NRG1: variants seen among roughly 807,000 people sequenced by gnomAD.
NRG1 encodes the protein pro-neuregulin-1, membrane-bound isoform.
Under a neutral mutation model 63.8 loss-of-function variants are expected in NRG1, and 18 were observed. That is an observed-to-expected ratio of 0.28 (90% CI 0.19 to 0.42). The LOEUF (loss-of-function observed/expected upper bound fraction) is 0.42. NRG1 is among the 10% of genes least tolerant of loss of function. The pLI is 1.00. For synonymous variants in NRG1, 302 were observed against 301.3 expected, an observed-to-expected ratio of 1.00 and a Z score of -0.02; for missense variants, 762 against 814.7, an observed-to-expected ratio of 0.94 and a Z score of 0.79.
At chr8:31,843,529 G>A (rs896614606) in intron 1 of NRG1, among the ~76,000 whole-genome samples, 2 of 152,150 alleles carry the variant, frequency 1.3e-5, no homozygotes, top group Non-Finnish European at 2.9e-5. Flanking sequence ...GTGCACCTAA[G>A]GCTGGTGCTT....
At chr8:32,167,541 C>T (rs1490778832) in intron 1 of NRG1, among the ~76,000 whole-genome samples, 5 of 152,154 alleles carry the variant, frequency 3.3e-5, no homozygotes, top group Non-Finnish European at 7.3e-5. Context: ...TGATATTCTT[C>T]CCAGATCTAC....
At chr8:32,471,899 A>G (rs1202559186) in intron 1 of NRG1, among the ~76,000 whole-genome samples, 1 of 152,238 alleles carries the variant, frequency 6.6e-6, no homozygotes, top group African/African-American at 2.4e-5. Context: ...CTATGAAAAG[A>G]AAGCTAGAAA....
chr8:32,365,289 G>C (rs1807811636), intron 1 of NRG1, among the ~76,000 whole-genome samples: 1 of 151,914 alleles, frequency 6.6e-6, no homozygotes, highest in African/African-American at 2.4e-5. Flanking sequence ...TTTTAGATTA[G>C]AAAAACTAGC....
intron 1 of NRG1, among the ~76,000 whole-genome samples, chr8:32,079,148 TACACACACACACACACAC>T (rs143380574): frequency 6.9e-6 from 1 of 145,760 alleles, no homozygotes; most frequent in Non-Finnish European, 1.5e-5. Context: ...TAGAATGAAA[TACACACACACACACACAC>T]ACACACACAC....
At chr8:32,286,645 CTCTT>C (rs1347343860) in intron 1 of NRG1, among the ~76,000 whole-genome samples, 3 of 152,204 alleles carry the variant, frequency 2.0e-5, no homozygotes, top group Non-Finnish European at 2.9e-5. Flanking sequence ...TTCCTCTCCT[CTCTT>C]TCTTCCTTTC....
At chr8:31,743,108 T>C (rs1262472296) in intron 1 of NRG1, among the ~76,000 whole-genome samples, 1 of 152,042 alleles carries the variant, frequency 6.6e-6, no homozygotes, top group Non-Finnish European at 1.5e-5. Context: ...CCAGGCAGTA[T>C]GCAGTCTTCT....
At chr8:31,958,659 A>G (rs1390744243) in intron 1 of NRG1, among the ~76,000 whole-genome samples, 1 of 152,222 alleles carries the variant, frequency 6.6e-6, no homozygotes, top group African/African-American at 2.4e-5. Flanking sequence ...AAGTCTTTGC[A>G]GAAGAGGGAA....
chr8:32,503,731 C>A (rs535373629), intron 1 of NRG1, among the ~76,000 whole-genome samples: 1 of 152,220 alleles, frequency 6.6e-6, no homozygotes, highest in African/African-American at 2.4e-5. Context: ...CATCTTGCCT[C>A]CTTAGAAGAA....
At chr8:32,224,799 G>A (rs1846161397) in intron 1 of NRG1, among the ~76,000 whole-genome samples, 1 of 152,152 alleles carries the variant, frequency 6.6e-6, no homozygotes, top group African/African-American at 2.4e-5. Context: ...ATGGACATTT[G>A]CTATCTGCCT....
chr8:31,966,170 A>C (rs946856114), intron 1 of NRG1, among the ~76,000 whole-genome samples: 1 of 152,148 alleles, frequency 6.6e-6, no homozygotes, highest in South Asian at 2.1e-4. Flanking sequence ...GACCATAACT[A>C]GGAAGAAAAG....
chr8:32,110,739 C>T (rs1831905648), intron 1 of NRG1, among the ~76,000 whole-genome samples: 1 of 152,266 alleles, frequency 6.6e-6, no homozygotes, highest in Non-Finnish European at 1.5e-5. Flanking sequence ...AAGACTGGAT[C>T]GCCAGTCATG....
intron 1 of NRG1, among the ~76,000 whole-genome samples, chr8:32,324,038 G>A (rs139410853): frequency 1.8e-4 from 27 of 151,940 alleles, no homozygotes; most frequent in Middle Eastern, 3.4e-3. Flanking sequence ...GATCAGAAAT[G>A]ACAGGATGGG....
chr8:31,932,095 C>A (rs555922467), intron 1 of NRG1, among the ~76,000 whole-genome samples: 20 of 151,990 alleles, frequency 1.3e-4, no homozygotes, highest in African/African-American at 4.6e-4. Flanking sequence ...AACAGCCCCC[C>A]ACCCACTCAA....
chr8:32,562,775 T>G (rs1836695330), intron 1 of NRG1, among the ~76,000 whole-genome samples: 1 of 152,122 alleles, frequency 6.6e-6, no homozygotes, highest in Admixed American at 6.6e-5. Flanking sequence ...CACCATGTAC[T>G]GGCATGGAAA....
chr8:32,341,779 G>T (rs1375117824), intron 1 of NRG1, among the ~76,000 whole-genome samples: 1 of 152,094 alleles, frequency 6.6e-6, no homozygotes, highest in African/African-American at 2.4e-5. Flanking sequence ...GAATTTTGTG[G>T]CTTCCAAAGT....
chr8:32,643,678 C>T (rs1330459890), intron 5 of NRG1, among the ~76,000 whole-genome samples: 1 of 152,118 alleles, frequency 6.6e-6, no homozygotes, highest in African/African-American at 2.4e-5. Flanking sequence ...TAACTGAAAT[C>T]GCTTCCCAAG....
chr8:31,876,066 C>CAAACAAACAAAG (rs560942104), intron 1 of NRG1, among the ~76,000 whole-genome samples: 10 of 149,222 alleles, frequency 6.7e-5, no homozygotes, highest in Non-Finnish European at 1.3e-4. Flanking sequence ...AACAAACAAA[C>CAAACAAACAAAG]AATTGGAAGA....
At chr8:32,570,188 C>G (rs998151677) in intron 1 of NRG1, among the ~76,000 whole-genome samples, 1 of 152,072 alleles carries the variant, frequency 6.6e-6, no homozygotes, top group Non-Finnish European at 1.5e-5. Flanking sequence ...GGATTACAGG[C>G]GTGAGCCACT....
intron 1 of NRG1, among the ~76,000 whole-genome samples, chr8:31,679,031 G>T (rs1359567861): frequency 6.6e-6 from 1 of 151,758 alleles, no homozygotes; most frequent in Admixed American, 6.6e-5. Context: ...CTTCACCATA[G>T]GTAATTTTTG....
Sources: allele counts gnomAD v4.1 joint callset (sites outside exome capture counted in the v4.1 genomes callset), GRCh38; gene constraint gnomAD v4.1.1; transcripts MANE v1.5; gene names NCBI Gene and HGNC (gene_info 2026-07-23, HGNC 2026-07-21).